TENM4: variants seen among roughly 807,000 people sequenced by gnomAD.
TENM4 encodes the protein teneurin-4.
A neutral mutation model predicts 243.3 loss-of-function variants in TENM4; 82 were observed. The ratio of observed to expected loss-of-function variants is 0.34; its 90% CI spans 0.28 to 0.40. The LOEUF (loss-of-function observed/expected upper bound fraction) is 0.40. Ranked by LOEUF, TENM4 falls within the 10% of genes least tolerant of loss-of-function variation. The probability of loss-of-function intolerance (pLI) is 1.00; values close to 1 mark genes in which losing one functional copy is unlikely to be tolerated. For missense variants in TENM4, 3,138 were observed against 3,673.3 expected (o/e 0.85, Z 3.77); for synonymous variants, 1,412 against 1,456.3 (o/e 0.97, Z 0.69).
At chr11:78,993,242 G>A (rs938037639) in intron 6 of TENM4, among the ~76,000 whole-genome samples, 1 of 152,184 alleles carries the variant, frequency 6.6e-6, no homozygotes, top group African/African-American at 2.4e-5. Context: ...AAGGGAGCCT[G>A]GAGGAAGAGG....
At chr11:78,911,092 T>C (rs999439569) in intron 6 of TENM4, among the ~76,000 whole-genome samples, 1 of 152,206 alleles carries the variant, frequency 6.6e-6, no homozygotes, top group Non-Finnish European at 1.5e-5. Context: ...CAAACAGTGA[T>C]GAAGGGACAA....
At chr11:79,256,907 T>C (rs1472886008) in intron 2 of TENM4, among the ~76,000 whole-genome samples, 1 of 152,098 alleles carries the variant, frequency 6.6e-6, no homozygotes, top group Non-Finnish European at 1.5e-5. Flanking sequence ...TAAGGGCCTG[T>C]GGAGTGACCA....
chr11:79,204,361 C>T (rs1418184981), intron 3 of TENM4, among the ~76,000 whole-genome samples: 1 of 152,052 alleles, frequency 6.6e-6, no homozygotes, highest in Admixed American at 6.6e-5. Context: ...ATAATCCTTC[C>T]AAGTAAAAGC....
intron 2 of TENM4, among the ~76,000 whole-genome samples, chr11:79,219,177 T>A (rs1864112149): frequency 6.6e-6 from 1 of 152,160 alleles, no homozygotes. Context: ...GTACTCCACA[T>A]AAGGGAGGAG....
At chr11:78,781,614 CT>C (rs991974886) in intron 16 of TENM4, among the ~76,000 whole-genome samples, 5 of 152,126 alleles carry the variant, frequency 3.3e-5, no homozygotes, top group Admixed American at 2.0e-4. Context: ...CAGGGGCCCC[CT>C]ATCCAAAGTT....
At chr11:78,720,426 G>A in intron 24 of TENM4, 36 bp from the exon 25 acceptor site, 1 of 1,613,214 alleles carries the variant, frequency 6.2e-7, no homozygotes, top group Non-Finnish European at 8.5e-7. Context: ...ATAGAAGAAA[G>A]AATGAGGTGT....
chr11:78,720,635 T>C (rs1432925766), intron 24 of TENM4, among the ~76,000 whole-genome samples: 1 of 152,196 alleles, frequency 6.6e-6, no homozygotes, highest in Non-Finnish European at 1.5e-5. Context: ...ACTGCTGACT[T>C]TGGGGGAAGA....
intron 3 of TENM4, among the ~76,000 whole-genome samples, chr11:79,154,972 C>A (rs986605991): frequency 5.3e-5 from 8 of 152,188 alleles, no homozygotes; most frequent in African/African-American, 1.9e-4. Context: ...TGAATGAGTG[C>A]ATTTCCATGC....
intron 3 of TENM4, among the ~76,000 whole-genome samples, chr11:79,195,106 G>A (rs966656886): frequency 1.3e-5 from 2 of 152,228 alleles, no homozygotes; most frequent in Non-Finnish European, 2.9e-5. Context: ...ACATGGTGTT[G>A]AGCCTGTGGG....
chr11:78,815,319 G>T (rs1857583496), intron 12 of TENM4, among the ~76,000 whole-genome samples: 1 of 152,068 alleles, frequency 6.6e-6, no homozygotes, highest in African/African-American at 2.4e-5. Context: ...CTGGGAGGCG[G>T]AAGGTGCAGT....
chr11:78,960,750 C>T (rs1378976603), intron 6 of TENM4, among the ~76,000 whole-genome samples: 1 of 152,176 alleles, frequency 6.6e-6, no homozygotes, highest in Non-Finnish European at 1.5e-5. Context: ...TAGGTTCCTA[C>T]CGCCTTTGCC....
chr11:78,884,576 C>G (rs1475312399), intron 9 of TENM4, among the ~76,000 whole-genome samples: 2 of 152,226 alleles, frequency 1.3e-5, no homozygotes, highest in Non-Finnish European at 2.9e-5. Flanking sequence ...GCAAACTTCT[C>G]TGAGCTTTAG....
At chr11:79,044,800 A>G (rs1213089744) in intron 6 of TENM4, among the ~76,000 whole-genome samples, 1 of 152,222 alleles carries the variant, frequency 6.6e-6, no homozygotes, top group Non-Finnish European at 1.5e-5. Flanking sequence ...TCAGCAGCAT[A>G]TTAGTCTGCA....
rs371926468 is a variant in TENM4 at position 79,139,562 on chromosome 11, G to T, written c.-66+9148C>A. Among the ~76,000 whole-genome samples the T allele has an allele frequency of 2.5e-4, 9 of 36,692 alleles. 1 individual carries two copies. In the South Asian group the frequency reaches 6.8e-3, roughly 28 times the overall value. The allele number at this position is 36,692 out of a possible 152,430, so 24.1% of individuals were successfully genotyped here. A position where few individuals can be genotyped will look rare whatever the true frequency, so the allele number is the denominator to read the frequency against. On this transcript the variant is annotated intron_variant, in intron 4 of 33. Transcript: ENST00000278550. Reference sequence around the variant, plus strand: ...ATATAAAATATATATTATATTTATAGAAATATATAAAATATATATTATATT... The same window carrying T: ...ATATAAAATATATATTATATTTATATAAATATATAAAATATATATTATATT...
At chr11:78,917,957 T>C (rs73500661) in intron 6 of TENM4, among the ~76,000 whole-genome samples, 3,661 of 152,302 alleles carry the variant, frequency 0.024, 160 homozygotes, top group African/African-American at 0.083. Context: ...AGAACACGCA[T>C]GACACACAGC....
intron 26 of TENM4, among the ~76,000 whole-genome samples, chr11:78,708,965 C>CTTTTT (rs1188328355): frequency 6.0e-5 from 8 of 132,818 alleles, no homozygotes; most frequent in African/African-American, 1.8e-4. Context: ...CTTTCTTTTT[C>CTTTTT]TTTCTTTTTT....
chr11:78,873,826 AC>A (rs1174073334), intron 9 of TENM4, among the ~76,000 whole-genome samples: 2 of 152,078 alleles, frequency 1.3e-5, no homozygotes, highest in East Asian at 3.9e-4. Context: ...CAGGAGTCTC[AC>A]TTTGTGTGGA....
chr11:79,295,896 A>AACACACACACACACACACAC (rs199711050), intron 2 of TENM4, among the ~76,000 whole-genome samples: 4 of 130,918 alleles, frequency 3.1e-5, no homozygotes, highest in African/African-American at 8.9e-5. Context: ...CCAGGGATTA[A>AACACACACACACACACACAC]ACACACACAC....
intron 1 of TENM4, among the ~76,000 whole-genome samples, chr11:79,345,992 T>A (rs918140357): frequency 7.9e-5 from 12 of 152,318 alleles, no homozygotes; most frequent in Middle Eastern, 3.4e-3. Context: ...AAGAAAAATG[T>A]GTAATTATCA....
Sources: gnomAD v4.1 joint callset for allele counts (sites outside exome capture counted in the v4.1 genomes callset) on GRCh38, gnomAD v4.1.1 for gene constraint, MANE v1.5 for transcripts, NCBI Gene and HGNC (gene_info 2026-07-23, HGNC 2026-07-21) for gene names.